The following PNLIPRP3 variants were observed in gnomAD, a reference collection of about 807,000 sequenced individuals.
PNLIPRP3 encodes pancreatic lipase-related protein 3.
Under a neutral mutation model 52.8 loss-of-function variants are expected in PNLIPRP3, and 58 were observed. The ratio of observed to expected loss-of-function variants is 1.10; its 90% CI spans 0.89 to 1.37. PNLIPRP3 has a LOEUF of 1.37. Ranked by LOEUF, PNLIPRP3 falls within the 40% of genes most tolerant of loss-of-function variation. PNLIPRP3 has a pLI of 0.00. For missense variants in PNLIPRP3, 593 were observed against 561.6 expected (o/e 1.06, Z -0.57); for synonymous variants, 192 against 185.0 (o/e 1.04, Z -0.31).
chr10:116,444,426 G>T lies in PNLIPRP3; in HGVS notation c.369G>T (p.Trp123Cys). ...ATATAAATTGCATTAATTTAGATTG[G>T]ATCAACGGTTCACGGGAATACATCC... ...LEDINCINLDWINGSREYIHA... is the reference protein window; with the variant it reads ...LEDINCINLDCINGSREYIHA... Residue 123 changes from tryptophan (W) to cysteine (C), a missense_variant, in exon 4 of 12, where the codon TGG becomes TGT. Trp to Cys is a radical substitution (Grantham distance 215). Coordinates refer to ENST00000369230, the MANE Select transcript of PNLIPRP3 (RefSeq NM_001011709.3). 6.2e-7 allele frequency: 1 copy of T among 1,612,664 alleles called. No homozygotes were observed. Among genetic ancestry groups the T allele is most frequent in the Non-Finnish European group, 8.5e-7 (1 of 1,178,812 alleles).
chr10:116,448,206 ATAAC>A (rs925895350), intron 4 of PNLIPRP3, among the ~76,000 whole-genome samples: 1 of 152,182 alleles, frequency 6.6e-6, no homozygotes, highest in Non-Finnish European at 1.5e-5. Flanking sequence ...AGTATTAAGA[ATAAC>A]TATAACTAAA....
intron 9 of PNLIPRP3, among the ~76,000 whole-genome samples, chr10:116,470,124 A>G (rs1846344023): frequency 6.6e-6 from 1 of 151,662 alleles, no homozygotes; most frequent in Non-Finnish European, 1.5e-5. Context: ...GAGCTTGACG[A>G]CACAGGAAGA....
At chr10:116,462,092 A>G (rs1846200505) in intron 7 of PNLIPRP3, among the ~76,000 whole-genome samples, 1 of 152,170 alleles carries the variant, frequency 6.6e-6, no homozygotes. Flanking sequence ...CAGAGAAGAG[A>G]CGTGGTTTGA....
intron 5 of PNLIPRP3, among the ~76,000 whole-genome samples, chr10:116,456,179 A>G (rs1240417509): frequency 2.0e-5 from 3 of 152,206 alleles, no homozygotes; most frequent in Non-Finnish European, 4.4e-5. Context: ...TGGTTATGAG[A>G]GGCTGGGAAG....
At chr10:116,444,600 T>C (rs1300135336) in intron 4 of PNLIPRP3, 87 bp downstream of exon 4, 1 of 1,342,310 alleles carries the variant, frequency 7.4e-7, no homozygotes, top group Non-Finnish European at 1.0e-6. Flanking sequence ...TGTCTTTTTT[T>C]ATTAGCTTAG....
intron 4 of PNLIPRP3, among the ~76,000 whole-genome samples, chr10:116,447,893 T>C (rs1168132851): frequency 6.8e-6 from 1 of 147,608 alleles, no homozygotes; most frequent in Admixed American, 6.9e-5. Flanking sequence ...GCTGAGATGG[T>C]GCCACTGCAC....
chr10:116,444,305 T>G (rs1300118286), intron 3 of PNLIPRP3, 77 bp from the exon 4 acceptor site: 30 of 1,264,564 alleles, frequency 2.4e-5, no homozygotes, highest in Admixed American at 2.7e-5. Context: ...AATTTCTTAT[T>G]ATGGAATCAA....
chr10:116,431,615 TA>T (rs1324127854), intron 1 of PNLIPRP3, among the ~76,000 whole-genome samples: 4 of 152,196 alleles, frequency 2.6e-5, no homozygotes, highest in Non-Finnish European at 4.4e-5. Flanking sequence ...TTAAATGGGA[TA>T]AAGACTATAA....
intron 1 of PNLIPRP3, among the ~76,000 whole-genome samples, chr10:116,432,148 G>C (rs1181796890): frequency 6.6e-6 from 1 of 152,166 alleles, no homozygotes; most frequent in Non-Finnish European, 1.5e-5. Context: ...TTTCTCCAAT[G>C]CTGAATTCCA....
intron 5 of PNLIPRP3, among the ~76,000 whole-genome samples, chr10:116,456,864 C>T (rs1181833466): frequency 1.3e-5 from 2 of 152,142 alleles, no homozygotes; most frequent in Non-Finnish European, 2.9e-5. Context: ...TGGCTCAGTC[C>T]CTCATCTCTT....
intron 1 of PNLIPRP3, among the ~76,000 whole-genome samples, chr10:116,432,517 A>C (rs1845720550): frequency 6.6e-6 from 1 of 152,242 alleles, no homozygotes; most frequent in African/African-American, 2.4e-5. Context: ...CATTTAAGTA[A>C]TAAAAATAAA....
Position 116,460,991 on chromosome 10 carries a change from CCACAA to C in PNLIPRP3, c.595_599del (p.Asn199SerfsTer15). On this transcript the variant is annotated frameshift_variant, in exon 6 of 12. Transcript: ENST00000369230. LOFTEE classifies it high-confidence loss of function. ...GGTTGGACCCAGCTGGGCCATTTTTCCACAACACTCCAAAGGAAGTCAGGCTAGAC... is the reference window on the plus strand; with the variant it reads ...GGTTGGACCCAGCTGGGCCATTTTTCCACTCCAAAGGAAGTCAGGCTAGAC... The C allele has an allele frequency of 6.2e-7, 1 of 1,612,414 alleles. No individual in the cohort carries two copies. Among genetic ancestry groups the C allele is most frequent in the Non-Finnish European group, 8.5e-7 (1 of 1,179,986 alleles).
chr10:116,442,641 A>G (rs556028610), intron 2 of PNLIPRP3, among the ~76,000 whole-genome samples: 2 of 152,282 alleles, frequency 1.3e-5, no homozygotes, highest in African/African-American at 4.8e-5. Flanking sequence ...AGGTAGGAAG[A>G]TCACTTGAGG....
chr10:116,437,952 C>T (rs1476361302), intron 2 of PNLIPRP3, among the ~76,000 whole-genome samples: 1 of 152,116 alleles, frequency 6.6e-6, no homozygotes, highest in Non-Finnish European at 1.5e-5. Flanking sequence ...CAGTTTGGAT[C>T]ACACACGGGA....
chr10:116,475,831 G>A (rs1589993726), intron 10 of PNLIPRP3, among the ~76,000 whole-genome samples: 1 of 152,116 alleles, frequency 6.6e-6, no homozygotes, highest in Admixed American at 6.5e-5. Flanking sequence ...GGAGCAACAT[G>A]GGGACAAATT....
At chr10:116,434,707 GA>G (rs987428972) in intron 1 of PNLIPRP3, among the ~76,000 whole-genome samples, 12 of 152,036 alleles carry the variant, frequency 7.9e-5, no homozygotes, top group African/African-American at 2.9e-4. Flanking sequence ...AGGACCTGGA[GA>G]AAAAAGCAAC....
chr10:116,444,464 A>G lies in PNLIPRP3; in HGVS notation c.407A>G (p.Asn136Ser). The G allele has an allele frequency of 6.8e-6, 11 of 1,613,784 alleles. No individual in the cohort carries two copies. Among genetic ancestry groups the G allele is most frequent in the Non-Finnish European group, 8.5e-6 (10 of 1,179,718 alleles). The change falls in exon 4 of 12, where the codon AAT becomes AGT. Residue 136 changes from asparagine (N) to serine (S), a missense_variant. Physicochemically the swap from Asn to Ser is conservative, Grantham distance 46. Transcript: ENST00000369230. Reference protein sequence around the residue: ...GSREYIHAVNNLRVVGAEVAY... With the variant: ...GSREYIHAVNSLRVVGAEVAY... ...CGGGAATACATCCATGCTGTAAACA[A>G]TCTCCGTGTTGTTGGTGCTGAGGTG...
At chr10:116,448,232 G>A (rs977832008) in intron 4 of PNLIPRP3, among the ~76,000 whole-genome samples, 1 of 151,984 alleles carries the variant, frequency 6.6e-6, no homozygotes, top group Non-Finnish European at 1.5e-5. Context: ...ATATGTTAAT[G>A]GATACACAAT....
At chr10:116,474,434 C>A (rs1046883407) in intron 10 of PNLIPRP3, among the ~76,000 whole-genome samples, 2 of 152,100 alleles carry the variant, frequency 1.3e-5, no homozygotes, top group Admixed American at 6.6e-5. Context: ...GCAACGAAAG[C>A]AAAAATTAAC....
Sources: allele counts gnomAD v4.1 joint callset (sites outside exome capture counted in the v4.1 genomes callset), GRCh38; gene constraint gnomAD v4.1.1; transcripts MANE v1.5; gene names NCBI Gene and HGNC (gene_info 2026-07-23, HGNC 2026-07-21).